Variants in ANK1 observed in about 807,000 individuals in gnomAD.
ANK1 encodes ankyrin 1, also known as ankyrin-1.
A neutral mutation model predicts 210.4 loss-of-function variants in ANK1; 51 were observed. That is an observed-to-expected ratio of 0.24 (90% CI 0.19 to 0.31). The LOEUF is 0.31. ANK1 is among the 10% of genes least tolerant of loss of function. The pLI is 1.00. For synonymous variants in ANK1, 967 were observed against 1,025.9 expected (o/e 0.94, Z 1.10); for missense variants, 2,051 against 2,504.4 (o/e 0.82, Z 3.86).
intron 1 of ANK1, among the ~76,000 whole-genome samples, chr8:41,819,302 A>T (rs1480087914): frequency 1.3e-5 from 2 of 152,188 alleles, no homozygotes; most frequent in African/African-American, 4.8e-5. Flanking sequence ...TCGAGACTGT[A>T]ACACTAGGAT....
chr8:41,706,619 G>A (rs1033241321), intron 17 of ANK1, among the ~76,000 whole-genome samples: 1 of 152,196 alleles, frequency 6.6e-6, no homozygotes, highest in African/African-American at 2.4e-5. Context: ...GAACTTTATG[G>A]CACTTTCCCA....
At chr8:41,745,137 C>A (rs1172677583) in intron 2 of ANK1, among the ~76,000 whole-genome samples, 1 of 151,088 alleles carries the variant, frequency 6.6e-6, no homozygotes, top group African/African-American at 2.4e-5. Flanking sequence ...TGGAGGGGAG[C>A]AGGAAAGGGA....
At chr8:41,699,019 G>A (rs560401761) in intron 23 of ANK1, among the ~76,000 whole-genome samples, 6 of 152,176 alleles carry the variant, frequency 3.9e-5, no homozygotes, top group African/African-American at 7.2e-5. Flanking sequence ...GGCTGGTCAC[G>A]AACTCCTGAC....
intron 1 of ANK1, among the ~76,000 whole-genome samples, chr8:41,818,617 TTCTC>T (rs1292050156): frequency 6.6e-6 from 1 of 152,026 alleles, no homozygotes; most frequent in Non-Finnish European, 1.5e-5. Context: ...TTCCCTTTCT[TTCTC>T]TCTCTCTTTT....
intron 1 of ANK1, among the ~76,000 whole-genome samples, chr8:41,772,250 C>T (rs1246782928): frequency 6.6e-6 from 1 of 152,222 alleles, no homozygotes; most frequent in Non-Finnish European, 1.5e-5. Context: ...AGGTCTCCCA[C>T]AATTGAGCTG....
chr8:41,824,076 C>T (rs1315397673), intron 1 of ANK1, among the ~76,000 whole-genome samples: 2 of 152,052 alleles, frequency 1.3e-5, no homozygotes, highest in East Asian at 1.9e-4. Context: ...TCTCCTGCCT[C>T]AGCCTCCTGA....
chr8:41,733,837 A>C (rs1832791425), intron 3 of ANK1, 134 bp downstream of exon 3: 2 of 772,870 alleles, frequency 2.6e-6, no homozygotes, highest in African/African-American at 3.4e-5. Context: ...GATTCAGAGA[A>C]CTAAAAAGTG....
intron 1 of ANK1, among the ~76,000 whole-genome samples, chr8:41,834,945 G>C (rs1807358829): frequency 6.6e-6 from 1 of 152,220 alleles, no homozygotes; most frequent in Non-Finnish European, 1.5e-5. Flanking sequence ...CCGCTGCCCG[G>C]GAGAAGCTGG....
At chr8:41,789,389 C>A (rs550307661) in intron 1 of ANK1, 1 of 152,234 alleles carries the variant, frequency 6.6e-6, no homozygotes, top group Non-Finnish European at 1.5e-5. Context: ...AGGGCAACCA[C>A]GATGGTCTTT....
chr8:41,816,353 A>G (rs1803332207), intron 1 of ANK1, among the ~76,000 whole-genome samples: 1 of 152,230 alleles, frequency 6.6e-6, no homozygotes, highest in African/African-American at 2.4e-5. Flanking sequence ...TACGATTTTA[A>G]ACATCTAAGA....
chr8:41,835,940 C>T (rs895660056), intron 1 of ANK1, among the ~76,000 whole-genome samples: 1 of 152,340 alleles, frequency 6.6e-6, no homozygotes, highest in Non-Finnish European at 1.5e-5. Context: ...CTCCCATAGG[C>T]CCCACCAGGG....
chr8:41,703,662 A>AT (rs1011589559), intron 20 of ANK1, among the ~76,000 whole-genome samples: 2 of 150,082 alleles, frequency 1.3e-5, no homozygotes, highest in Non-Finnish European at 1.5e-5. Context: ...AATTAAAAAA[A>AT]TTTTTTTTTG....
intron 1 of ANK1, among the ~76,000 whole-genome samples, chr8:41,806,527 C>T (rs1056473590): frequency 3.9e-5 from 6 of 152,184 alleles, no homozygotes. Flanking sequence ...CCAGCCTGGG[C>T]AACATGGCGA....
intron 2 of ANK1, among the ~76,000 whole-genome samples, chr8:41,734,286 C>T (rs1832892797): frequency 6.6e-6 from 1 of 152,080 alleles, no homozygotes; most frequent in Non-Finnish European, 1.5e-5. Flanking sequence ...AAAGGAAGGG[C>T]AAGAACTAGC....
At chr8:41,864,818 C>T (rs1005928346) in intron 1 of ANK1, among the ~76,000 whole-genome samples, 2 of 152,184 alleles carry the variant, frequency 1.3e-5, no homozygotes, top group African/African-American at 2.4e-5. Flanking sequence ...CCTCGGCTCC[C>T]TGACCAAAGC....
Position 41,711,107 on chromosome 8 carries a change from A to C in ANK1, c.1801-2132T>G, listed in dbSNP as rs117005542. 6.1e-3 allele frequency among the ~76,000 whole-genome samples: 929 copies of C among 152,390 alleles called. 5 individuals carry two copies. The highest frequency in any genetic ancestry group is 0.01 in the Non-Finnish European group (693 of 68,044). The stretch of plus-strand genomic sequence containing the variant: ...TGGATTATAATAAGTTTAATTAAAC[A>C]ACATGATTTTTGCACTGTATTAAAA... On this transcript the variant is annotated intron_variant, in intron 16 of 42. Transcript: ENST00000289734.
intron 1 of ANK1, among the ~76,000 whole-genome samples, chr8:41,759,340 T>C (rs545778728): frequency 1.3e-5 from 2 of 152,194 alleles, no homozygotes; most frequent in East Asian, 1.9e-4. Flanking sequence ...ACCCCATCTC[T>C]ACTAAAAATA....
chr8:41,745,701 T>G (rs1397472606), intron 2 of ANK1, among the ~76,000 whole-genome samples: 1 of 152,102 alleles, frequency 6.6e-6, no homozygotes. Flanking sequence ...TTCTGGTTTT[T>G]CCTTTCTTTC....
rs769179485 is a variant in ANK1 at position 41,672,576 on chromosome 8, G to A, written c.4874C>T (p.Thr1625Ile). The A allele has an allele frequency of 3.1e-6, 5 of 1,614,112 alleles. No individual in the cohort carries two copies. The highest frequency in any genetic ancestry group is 4.2e-6 in the Non-Finnish European group (5 of 1,179,976). The change falls in exon 38 of 43, where the codon ACA becomes ATA. Residue 1625 changes from threonine (T) to isoleucine (I), a missense_variant. Physicochemically the swap from Thr to Ile is moderately conservative, Grantham distance 89 (BLOSUM62 -1). This residue lies in a region of ANK1 where 496 missense variants were observed against 533.4 expected (regional missense o/e 0.93). Transcript: ENST00000289734. ...LGSLELVEDD[T>I]VDSDATNGLI... ...GCCATTTGTGGCATCTGAATCCACT[G>A]TGTCGTCCTCCACAAGTTCCAGAGA...
Sources: allele counts gnomAD v4.1 joint callset (sites outside exome capture counted in the v4.1 genomes callset), GRCh38; gene constraint gnomAD v4.1.1; regional missense constraint gnomAD v4.1.1; transcripts MANE v1.5; gene names NCBI Gene and HGNC (gene_info 2026-07-23, HGNC 2026-07-21).